The following CSMD3 variants were observed in gnomAD, a reference collection of about 807,000 sequenced individuals.
CSMD3 encodes CUB and Sushi multiple domains 3.
Under a neutral mutation model 435.2 loss-of-function variants are expected in CSMD3, and 177 were observed. That is an observed-to-expected ratio of 0.41 (90% CI 0.36 to 0.46). The LOEUF (loss-of-function observed/expected upper bound fraction) is 0.46, where lower values mean the gene tolerates loss of function less well. Among genes scored for constraint, CSMD3 ranks in the 20% least tolerant of loss-of-function variants. CSMD3 has a pLI of 0.34. For synonymous variants in CSMD3, 1,656 were observed against 1,520.5 expected (o/e 1.09, Z -2.07); for missense variants, 4,265 against 4,504.6 (o/e 0.95, Z 1.52).
intron 4 of CSMD3, among the ~76,000 whole-genome samples, chr8:113,142,745 T>A (rs533597473): frequency 6.6e-6 from 1 of 151,006 alleles, no homozygotes; most frequent in East Asian, 2.0e-4. Flanking sequence ...TAAAAAAGAA[T>A]AATTGCATCA....
At chr8:112,311,361 T>C (rs1375914370) in intron 49 of CSMD3, among the ~76,000 whole-genome samples, 195 bp from the exon 50 acceptor site, 1 of 152,136 alleles carries the variant, frequency 6.6e-6, no homozygotes, top group Non-Finnish European at 1.5e-5. Flanking sequence ...TTGGGAGACA[T>C]AACTAACTCT....
At position 112,228,872 on chromosome 8, in the gene CSMD3, A is replaced by G. The variant is rs1326361277; in HGVS notation, c.10848T>C (p.Gly3616=). 3.9e-6 allele frequency: 6 copies of G among 1,549,612 alleles called. No individual in the cohort carries two copies. The highest frequency in any genetic ancestry group is 5.3e-6 in the Non-Finnish European group (6 of 1,123,042). The change falls in exon 70 of 71, where the codon GGT becomes GGC. Residue 3616 remains glycine (G), a synonymous_variant. Coordinates refer to ENST00000297405, the MANE Select transcript of CSMD3 (RefSeq NM_198123.2). ...LQRLGLNMSE[G]SNSSNQPHGT... is the part of the protein sequence containing the mutation. Reference sequence around the variant, plus strand: ...CATGAGGTTGATTTGAAGAATTTGAACCTTCTGACATATTCAGTCCTACAA... The same window carrying G: ...CATGAGGTTGATTTGAAGAATTTGAGCCTTCTGACATATTCAGTCCTACAA...
chr8:112,881,176 G>C (rs2511524), intron 10 of CSMD3, among the ~76,000 whole-genome samples: 2 of 151,856 alleles, frequency 1.3e-5, no homozygotes, highest in South Asian at 2.1e-4. Context: ...GAGACAAACA[G>C]GAAACAACCC....
intron 1 of CSMD3, among the ~76,000 whole-genome samples, chr8:113,368,942 T>C (rs1317306961): frequency 6.6e-6 from 1 of 152,106 alleles, no homozygotes; most frequent in Non-Finnish European, 1.5e-5. Context: ...GGTGGGTTTG[T>C]GTTTCTAAAA....
chr8:113,086,449 A>G (rs1438693148), intron 5 of CSMD3, among the ~76,000 whole-genome samples: 1 of 152,186 alleles, frequency 6.6e-6, no homozygotes, highest in Non-Finnish European at 1.5e-5. Context: ...TGACTTGTAG[A>G]AGTAGAAAGT....
At chr8:112,345,639 G>T (rs57429229) in intron 41 of CSMD3, among the ~76,000 whole-genome samples, 6,063 of 152,078 alleles carry the variant, frequency 0.04, 398 homozygotes, top group African/African-American at 0.14. Flanking sequence ...CACAAAAGAA[G>T]TAAATTCATT....
chr8:113,076,150 C>T (rs1021788542), intron 5 of CSMD3, among the ~76,000 whole-genome samples: 2 of 151,034 alleles, frequency 1.3e-5, no homozygotes, highest in African/African-American at 2.4e-5. Context: ...ATAAGAGCAT[C>T]GGAATAAAAA....
At chr8:112,672,907 C>G (rs2131735796) in intron 16 of CSMD3, among the ~76,000 whole-genome samples, 1 of 152,148 alleles carries the variant, frequency 6.6e-6, no homozygotes, top group East Asian at 1.9e-4. Flanking sequence ...AGATAAAATT[C>G]TCCTGAATAA....
intron 10 of CSMD3, among the ~76,000 whole-genome samples, chr8:112,889,779 T>C (rs1225359250): frequency 1.3e-5 from 2 of 151,688 alleles, no homozygotes; most frequent in African/African-American, 4.8e-5. Flanking sequence ...AACTTTAAAC[T>C]AGAATAAATC....
chr8:113,031,343 A>G (rs1210306046), intron 5 of CSMD3, among the ~76,000 whole-genome samples: 1 of 151,738 alleles, frequency 6.6e-6, no homozygotes, highest in African/African-American at 2.4e-5. Context: ...GATATACACA[A>G]CAACTTGCAT....
chr8:113,089,669 A>T (rs2089934875), intron 5 of CSMD3, among the ~76,000 whole-genome samples: 1 of 152,128 alleles, frequency 6.6e-6, no homozygotes, highest in South Asian at 2.1e-4. Context: ...TATAGTGCAA[A>T]TAAGGCAAGT....
At chr8:113,129,966 CTTA>C (rs966167789) in intron 4 of CSMD3, among the ~76,000 whole-genome samples, 4 of 151,596 alleles carry the variant, frequency 2.6e-5, no homozygotes, top group South Asian at 2.1e-4. Context: ...GAAAATCTAA[CTTA>C]TTTACATATA....
rs71309787 is a variant in CSMD3, at chr8:112,747,183, CTTTTTTTTTTTTTTTTTTTTTTTTTT to C, written c.1972+52953_1972+52978del. Among the ~76,000 whole-genome samples, 3 of 26,942 alleles carry C rather than the reference CTTTTTTTTTTTTTTTTTTTTTTTTTT, an allele frequency of 1.1e-4. No homozygotes were observed. In the Admixed American group the frequency reaches 1.7e-3, roughly 15 times the overall value. 17.7% of individuals were successfully genotyped at this position (26,942 alleles called of 152,430 possible). A position where few individuals can be genotyped will look rare whatever the true frequency, so the allele number is the denominator to read the frequency against. ...TATGATTATTTGTCTGCACACTTCC[CTTTTTTTTTTTTTTTTTTTTTTTTTT>C]TTTTTTTTTTTGGTGTTGCTTCATT... On this transcript the variant is annotated intron_variant, in intron 13 of 70. Coordinates refer to ENST00000297405, the MANE Select transcript of CSMD3 (RefSeq NM_198123.2).
At chr8:113,081,159 A>G (rs1400871929) in intron 5 of CSMD3, among the ~76,000 whole-genome samples, 1 of 152,236 alleles carries the variant, frequency 6.6e-6, no homozygotes, top group Non-Finnish European at 1.5e-5. Flanking sequence ...GCTCCTAAAG[A>G]TGCCATAACA....
intron 25 of CSMD3, among the ~76,000 whole-genome samples, chr8:112,553,980 A>C (rs1827903809): frequency 1.3e-5 from 2 of 152,016 alleles, no homozygotes; most frequent in Non-Finnish European, 2.9e-5. Flanking sequence ...TGTAGGCCTC[A>C]TCCAATAAAT....
chr8:113,082,462 A>T (rs1478299596), intron 5 of CSMD3, among the ~76,000 whole-genome samples: 1 of 152,208 alleles, frequency 6.6e-6, no homozygotes. Flanking sequence ...TGTCCAACAG[A>T]TACTATAGAT....
chr8:113,097,649 A>G (rs1237895571), intron 5 of CSMD3, among the ~76,000 whole-genome samples: 1 of 152,030 alleles, frequency 6.6e-6, no homozygotes, highest in African/African-American at 2.4e-5. Flanking sequence ...TCATATAAGA[A>G]ATATAGTTGT....
At chr8:112,958,056 T>C (rs1166104147) in intron 7 of CSMD3, among the ~76,000 whole-genome samples, 1 of 150,594 alleles carries the variant, frequency 6.6e-6, no homozygotes, top group Non-Finnish European at 1.5e-5. Flanking sequence ...TATAATATTG[T>C]TAATTCTGAG....
intron 17 of CSMD3, among the ~76,000 whole-genome samples, chr8:112,656,696 T>C (rs1395346518): frequency 1.3e-5 from 2 of 152,184 alleles, no homozygotes; most frequent in Admixed American, 1.3e-4. Flanking sequence ...TTTACATTTA[T>C]TTTCAATCAG....
Sources: allele counts gnomAD v4.1 joint callset (sites outside exome capture counted in the v4.1 genomes callset), GRCh38; gene constraint gnomAD v4.1.1; transcripts MANE v1.5; gene names NCBI Gene and HGNC (gene_info 2026-07-23, HGNC 2026-07-21).